The following ST6GALNAC3 variants were observed in gnomAD, a reference collection of about 807,000 sequenced individuals.
ST6GALNAC3 encodes the protein ST6 N-acetylgalactosaminide alpha-2,6-sialyltransferase 3.
Under a neutral mutation model 32.7 loss-of-function variants are expected in ST6GALNAC3, and 25 were observed. That is an observed-to-expected ratio of 0.76 (90% CI 0.56 to 1.07). The LOEUF is 1.07. Ranked by LOEUF, ST6GALNAC3 falls within the 50% of genes least tolerant of loss-of-function variation. The pLI is 0.00. For synonymous variants in ST6GALNAC3, 129 were observed against 133.1 expected, an observed-to-expected ratio of 0.97 and a Z score of 0.21; for missense variants, 355 against 382.4, an observed-to-expected ratio of 0.93 and a Z score of 0.60.
intron 2 of ST6GALNAC3, among the ~76,000 whole-genome samples, chr1:76,396,620 T>C (rs1325293): frequency 0.64 from 97,085 of 152,064 alleles, 31,799 homozygotes; most frequent in South Asian, 0.82. Flanking sequence ...GTTTATGAAT[T>C]GCTAATAAAA....
At chr1:76,475,760 C>A (rs1463164179) in intron 3 of ST6GALNAC3, among the ~76,000 whole-genome samples, 1 of 152,058 alleles carries the variant, frequency 6.6e-6, no homozygotes, top group Non-Finnish European at 1.5e-5. Flanking sequence ...TGCAGACCTG[C>A]CACATAGGCA....
At chr1:76,327,843 G>A (rs1339727129) in intron 2 of ST6GALNAC3, among the ~76,000 whole-genome samples, 1 of 152,152 alleles carries the variant, frequency 6.6e-6, no homozygotes, top group East Asian at 1.9e-4. Context: ...GCACTCTTCA[G>A]CCTCTCAAAG....
At chr1:76,362,955 G>A (rs768766022) in intron 2 of ST6GALNAC3, among the ~76,000 whole-genome samples, 4 of 152,178 alleles carry the variant, frequency 2.6e-5, no homozygotes, top group Non-Finnish European at 4.4e-5. Context: ...AGCTCCTCTA[G>A]GCAGTGCCCC....
At chr1:76,201,995 A>G (rs1654545799) in intron 1 of ST6GALNAC3, among the ~76,000 whole-genome samples, 1 of 152,162 alleles carries the variant, frequency 6.6e-6, no homozygotes, top group African/African-American at 2.4e-5. Flanking sequence ...AAAGTAACAG[A>G]ATCTCCATTA....
intron 1 of ST6GALNAC3, among the ~76,000 whole-genome samples, chr1:76,221,631 C>T (rs958733801): frequency 1.3e-5 from 2 of 152,160 alleles, no homozygotes; most frequent in African/African-American, 4.8e-5. Flanking sequence ...CAATCAGGCT[C>T]TCTTACCCTA....
intron 1 of ST6GALNAC3, among the ~76,000 whole-genome samples, chr1:76,209,821 G>A (rs902486717): frequency 4.6e-5 from 7 of 152,116 alleles, no homozygotes; most frequent in Non-Finnish European, 1.0e-4. Context: ...TGCAGCCCCC[G>A]GGCCACCCTT....
At chr1:76,429,240 T>A (rs1405259320) in intron 3 of ST6GALNAC3, among the ~76,000 whole-genome samples, 2 of 152,156 alleles carry the variant, frequency 1.3e-5, no homozygotes, top group African/African-American at 2.4e-5. Flanking sequence ...TGGTTTCTTG[T>A]CATAGATTAT....
chr1:76,095,633 G>A (rs1647118793), intron 1 of ST6GALNAC3, among the ~76,000 whole-genome samples: 1 of 152,170 alleles, frequency 6.6e-6, no homozygotes, highest in African/African-American at 2.4e-5. Context: ...GAAGAAGATT[G>A]AGATGTTTTC....
intron 1 of ST6GALNAC3, among the ~76,000 whole-genome samples, chr1:76,309,514 G>A (rs1287738109): frequency 6.6e-6 from 1 of 152,126 alleles, no homozygotes; most frequent in Non-Finnish European, 1.5e-5. Flanking sequence ...AGTTGCTGAA[G>A]CTTGAGGTCA....
At chr1:76,354,345 C>A (rs756021295) in intron 2 of ST6GALNAC3, 19 of 152,256 alleles carry the variant, frequency 1.2e-4, no homozygotes, top group Non-Finnish European at 2.5e-4. Flanking sequence ...ATAGCTCCTT[C>A]TTTTCTGTTG....
intron 3 of ST6GALNAC3, among the ~76,000 whole-genome samples, chr1:76,493,833 G>A (rs1660645561): frequency 6.6e-6 from 1 of 152,084 alleles, no homozygotes; most frequent in African/African-American, 2.4e-5. Context: ...CAAATTGGAA[G>A]CAACTTCAGA....
Position 76,074,783 on chromosome 1 carries a change from G to A in ST6GALNAC3, c.-84G>A. The A allele has an allele frequency of 6.8e-7, 1 of 1,480,408 alleles. No homozygotes were observed. The highest frequency in any genetic ancestry group is 9.2e-7 in the Non-Finnish European group (1 of 1,090,548). 91.7% of individuals were successfully genotyped at this position (1,480,408 alleles called of 1,614,324 possible). A position where few individuals can be genotyped will look rare whatever the true frequency, so the allele number is the denominator to read the frequency against. ...ATGTGGGCTGGAGAGGTCCTGCCGT[G>A]GTACCAGCCTCCAGCCTGCCCCCAG... On this transcript the variant is annotated 5_prime_UTR_variant, in exon 1 of 5. The change creates a premature stop within an existing upstream ORF in the 5' untranslated region. Coordinates refer to ENST00000328299, the MANE Select transcript of ST6GALNAC3 (RefSeq NM_152996.4).
At chr1:76,122,585 C>T (rs1264079782) in intron 1 of ST6GALNAC3, among the ~76,000 whole-genome samples, 1 of 152,206 alleles carries the variant, frequency 6.6e-6, no homozygotes, top group Non-Finnish European at 1.5e-5. Flanking sequence ...TAATTATGTG[C>T]ACACATTTTG....
chr1:76,595,780 T>C (rs1210449502), intron 3 of ST6GALNAC3, among the ~76,000 whole-genome samples: 1 of 152,154 alleles, frequency 6.6e-6, no homozygotes, highest in Non-Finnish European at 1.5e-5. Context: ...AACATTTGCA[T>C]ATTTCTTAAA....
chr1:76,262,376 C>G (rs965266152), intron 1 of ST6GALNAC3, among the ~76,000 whole-genome samples: 8 of 152,176 alleles, frequency 5.3e-5, no homozygotes, highest in Non-Finnish European at 1.2e-4. Context: ...TTATTGGACT[C>G]TGTTCATATG....
At chr1:76,577,075 T>A (rs143485767) in intron 3 of ST6GALNAC3, 1,384 of 1,108,486 alleles carry the variant, frequency 1.2e-3, no homozygotes, top group Admixed American at 2.5e-3. Flanking sequence ...ATTATTCAGG[T>A]ATGATGGTTA....
intron 1 of ST6GALNAC3, among the ~76,000 whole-genome samples, chr1:76,281,362 A>C (rs1248444011): frequency 6.6e-6 from 1 of 152,226 alleles, no homozygotes; most frequent in Non-Finnish European, 1.5e-5. Flanking sequence ...ATGTCATAAA[A>C]TATACTCTCA....
intron 1 of ST6GALNAC3, among the ~76,000 whole-genome samples, chr1:76,152,422 G>A (rs757710541): frequency 5.9e-5 from 9 of 152,178 alleles, no homozygotes; most frequent in Admixed American, 3.3e-4. Flanking sequence ...CTGCCCAGGC[G>A]GCCTTGTGCA....
intron 1 of ST6GALNAC3, among the ~76,000 whole-genome samples, chr1:76,284,646 T>G (rs4480406): frequency 0.48 from 72,273 of 151,756 alleles, 17,489 homozygotes; most frequent in African/African-American, 0.55. Flanking sequence ...CAAGAGACTT[T>G]TTAATTAGGA....
Sources: gnomAD v4.1 joint callset for allele counts (sites outside exome capture counted in the v4.1 genomes callset) on GRCh38, gnomAD v4.1.1 for gene constraint, MANE v1.5 for transcripts, NCBI Gene and HGNC (gene_info 2026-07-23, HGNC 2026-07-21) for gene names.